The following PIK3C2G variants were observed in gnomAD, a reference collection of about 807,000 sequenced individuals.
The protein encoded by PIK3C2G is phosphatidylinositol-4-phosphate 3-kinase catalytic subunit type 2 gamma, also known as phosphatidylinositol 3-kinase C2 domain-containing subunit gamma.
PIK3C2G carries 168 observed loss-of-function variants against 181.1 expected under a neutral mutation model. The observed-to-expected ratio is 0.93, with a 90% confidence interval of 0.82 to 1.05. The LOEUF is 1.05. Ranked by LOEUF, PIK3C2G falls within the 50% of genes least tolerant of loss-of-function variation. The probability of loss-of-function intolerance (pLI) is 0.00; values close to 1 mark genes in which losing one functional copy is unlikely to be tolerated. For missense variants in PIK3C2G, 1,869 were observed against 1,732.8 expected, an observed-to-expected ratio of 1.08 and a Z score of -1.40; for synonymous variants, 573 against 592.2, an observed-to-expected ratio of 0.97 and a Z score of 0.47.
chr12:18,386,211 C>A (rs1450403403), intron 14 of PIK3C2G, among the ~76,000 whole-genome samples: 1 of 152,184 alleles, frequency 6.6e-6, no homozygotes, highest in African/African-American at 2.4e-5. Context: ...CAGTCTGCAG[C>A]CCGCTGCCGT....
Position 18,580,059 on chromosome 12 carries a change from C to T in PIK3C2G, c.4011+13002C>T, listed in dbSNP as rs185716580. On this transcript the variant is annotated intron_variant, in intron 29 of 32. Coordinates refer to ENST00000538779, the MANE Select transcript of PIK3C2G (RefSeq NM_001288772.2). ...GAGGCAGGAGAATTGCTTGAACCCA[C>T]GAGGTGGAGGTTGCAGTGAGCCGAG... is the stretch of plus-strand genomic sequence containing the variant. Among the ~76,000 whole-genome samples the T allele has an allele frequency of 3.5e-4, 53 of 150,470 alleles. No individual in the cohort carries two copies. The East Asian group carries it at 5.9e-3, about 17-fold the overall frequency.
chr12:18,486,573 G>A (rs1275172842), intron 18 of PIK3C2G, among the ~76,000 whole-genome samples: 1 of 151,898 alleles, frequency 6.6e-6, no homozygotes, highest in Non-Finnish European at 1.5e-5. Context: ...GATTTTGTCT[G>A]TGTAAATTAA....
intron 18 of PIK3C2G, among the ~76,000 whole-genome samples, chr12:18,461,945 A>G (rs1216959309): frequency 2.0e-5 from 3 of 152,336 alleles, no homozygotes; most frequent in Non-Finnish European, 4.4e-5. Context: ...TTCCAGCAAT[A>G]GCATCACTCT....
chr12:18,431,720 T>C (rs763184437), intron 18 of PIK3C2G, among the ~76,000 whole-genome samples: 7 of 152,204 alleles, frequency 4.6e-5, no homozygotes, highest in Non-Finnish European at 8.8e-5. Flanking sequence ...TTGAGAATCA[T>C]TATTTTGCAA....
Position 18,589,343 on chromosome 12 carries a change from A to G in PIK3C2G, c.4012-5151A>G, listed in dbSNP as rs1946953034. Among the ~76,000 whole-genome samples, 2 of 152,024 alleles carry G rather than the reference A, an allele frequency of 1.3e-5. 1 individual carries two copies. The highest frequency in any genetic ancestry group is 4.1e-4 in the South Asian group (2 of 4,834). The stretch of plus-strand genomic sequence containing the variant: ...CTTGATTGGAATTGCTTAAGGGAGA[A>G]TGTAAAGAAAGGAATTTGAGATAGA... On this transcript the variant is annotated intron_variant, in intron 29 of 32. Transcript: ENST00000538779.
intron 18 of PIK3C2G, among the ~76,000 whole-genome samples, chr12:18,450,649 T>C (rs953537363): frequency 2.6e-5 from 4 of 152,196 alleles, no homozygotes; most frequent in Admixed American, 6.6e-5. Flanking sequence ...TCATGAAGTC[T>C]TTGCTCGTGC....
intron 31 of PIK3C2G, among the ~76,000 whole-genome samples, chr12:18,617,322 T>C (rs942528685): frequency 5.9e-5 from 9 of 152,142 alleles, no homozygotes; most frequent in African/African-American, 1.7e-4. Context: ...GTGACTTACA[T>C]AGGAACTATA....
At chr12:18,467,314 A>G (rs1261023200) in intron 18 of PIK3C2G, among the ~76,000 whole-genome samples, 1 of 152,010 alleles carries the variant, frequency 6.6e-6, no homozygotes, top group Non-Finnish European at 1.5e-5. Context: ...ATTATTCTGG[A>G]AAGAAACCCA....
intron 18 of PIK3C2G, among the ~76,000 whole-genome samples, chr12:18,470,235 C>T (rs1419307298): frequency 6.6e-6 from 1 of 151,932 alleles, no homozygotes; most frequent in Non-Finnish European, 1.5e-5. Flanking sequence ...TAGATCTAGA[C>T]CAGCATTTGG....
intron 24 of PIK3C2G, among the ~76,000 whole-genome samples, chr12:18,513,227 C>T (rs531574224): frequency 8.6e-5 from 13 of 151,750 alleles, no homozygotes; most frequent in African/African-American, 2.2e-4. Flanking sequence ...TTTGCATCTA[C>T]GTTAATTAGA....
chr12:18,506,888 G>A (rs1450874979), intron 24 of PIK3C2G, among the ~76,000 whole-genome samples: 2 of 151,912 alleles, frequency 1.3e-5, no homozygotes, highest in South Asian at 2.1e-4. Context: ...ATACCAGATG[G>A]CCATAACCTG....
At chr12:18,457,798 AAAGAT>A (rs2135922141) in intron 18 of PIK3C2G, among the ~76,000 whole-genome samples, 1 of 152,320 alleles carries the variant, frequency 6.6e-6, no homozygotes, top group East Asian at 1.9e-4. Flanking sequence ...CAATGTGAAC[AAAGAT>A]AATATGGACT....
intron 1 of PIK3C2G, among the ~76,000 whole-genome samples, chr12:18,248,826 A>T (rs10840995): frequency 0.42 from 64,082 of 151,904 alleles, 14,141 homozygotes; most frequent in East Asian, 0.75. Context: ...CAACACATAA[A>T]ACACATAAAT....
the PIK3C2G span, among the ~76,000 whole-genome samples, chr12:18,713,295 C>A: frequency 7.2e-4 from 109 of 152,236 alleles, 1 homozygote; most frequent in African/African-American, 2.6e-3. Flanking sequence ...ATAGTTGTAG[C>A]TCTGAAACAT....
At chr12:18,277,722 C>A (rs1949043448) in intron 1 of PIK3C2G, among the ~76,000 whole-genome samples, 1 of 151,966 alleles carries the variant, frequency 6.6e-6, no homozygotes, top group South Asian at 2.1e-4. Context: ...CATTTTTGTT[C>A]CTATTCTGAA....
the PIK3C2G span, among the ~76,000 whole-genome samples, chr12:18,696,660 T>G: frequency 6.6e-6 from 1 of 152,036 alleles, no homozygotes; most frequent in African/African-American, 2.4e-5. Flanking sequence ...ATTTTTCCAC[T>G]TTGATTTTCA....
chr12:18,527,547 G>A (rs1943306393), intron 24 of PIK3C2G, among the ~76,000 whole-genome samples: 1 of 152,106 alleles, frequency 6.6e-6, no homozygotes, highest in African/African-American at 2.4e-5. Flanking sequence ...TCACCCAAGA[G>A]TTATAGCATT....
intron 5 of PIK3C2G, among the ~76,000 whole-genome samples, chr12:18,305,675 AC>A (rs1950389081): frequency 6.6e-6 from 1 of 152,080 alleles, no homozygotes; most frequent in African/African-American, 2.4e-5. Context: ...AGCTGAAATC[AC>A]CTTAATAAGA....
chr12:18,708,859 T>A, the PIK3C2G span, among the ~76,000 whole-genome samples: 1 of 152,130 alleles, frequency 6.6e-6, no homozygotes, highest in South Asian at 2.1e-4. Context: ...TTAATCAAGT[T>A]TTTTTTCCAC....
Sources: gnomAD v4.1 joint callset for allele counts (sites outside exome capture counted in the v4.1 genomes callset) on GRCh38, gnomAD v4.1.1 for gene constraint, MANE v1.5 for transcripts, NCBI Gene and HGNC (gene_info 2026-07-23, HGNC 2026-07-21) for gene names.